The following ZNF595 variants were observed in gnomAD, a reference collection of about 807,000 sequenced individuals.
ZNF595 encodes the protein zinc finger protein 595.
Under a neutral mutation model 19.4 loss-of-function variants are expected in ZNF595, and 9 were observed. The observed-to-expected ratio is 0.46, with a 90% CI of 0.28 to 0.81. ZNF595 has a LOEUF of 0.81. Ranked by LOEUF, ZNF595 falls within the 30% of genes least tolerant of loss-of-function variation. The pLI is 0.11. For missense variants in ZNF595, 729 were observed against 736.0 expected (o/e 0.99, Z 0.11); for synonymous variants, 255 against 255.9 (o/e 1.00, Z 0.03).
intron 3 of ZNF595, among the ~76,000 whole-genome samples, chr4:64,213 G>GT (rs1402529611): frequency 2.6e-4 from 37 of 144,780 alleles, no homozygotes; most frequent in African/African-American, 9.3e-4. Flanking sequence ...TACTTGTGGG[G>GT]TTTTTTTGTT....
intron 3 of ZNF595, among the ~76,000 whole-genome samples, chr4:76,735 T>C (rs1713678064): frequency 1.3e-5 from 2 of 152,206 alleles, no homozygotes; most frequent in Non-Finnish European, 2.9e-5. Context: ...TCAAATTTTT[T>C]TCATTTTCTC....
In ZNF595 at chr4:86,013, A is replaced by T; in HGVS notation, c.509A>T (p.Glu170Val). Residue 170 changes from glutamate (E) to valine (V), a missense_variant, in exon 4 of 4, where the codon GAG becomes GTG. Physicochemically the swap from Glu to Val is moderately radical, Grantham distance 121 (BLOSUM62 -2). Transcript: ENST00000610261. ...AAACATAAGATAAGACATACTGGAG[A>T]GAAACCCTTTAAATGTACAGAATGT... ...SNKHKIRHTG[E>V]KPFKCTECGR... 6.2e-7 allele frequency: 1 copy of T among 1,608,800 alleles called. No individual in the cohort carries two copies. The highest frequency in any genetic ancestry group is 8.5e-7 in the Non-Finnish European group (1 of 1,176,890).
chr4:82,382 T>G (rs1346032187), intron 3 of ZNF595, among the ~76,000 whole-genome samples: 20 of 114,664 alleles, frequency 1.7e-4, no homozygotes, highest in Non-Finnish European at 3.1e-4. Flanking sequence ...GTTTTTTTTT[T>G]TTTTTTTTTT....
At chr4:78,227 C>G (rs538869927) in intron 3 of ZNF595, among the ~76,000 whole-genome samples, 34 of 152,262 alleles carry the variant, frequency 2.2e-4, no homozygotes, top group Admixed American at 7.8e-4. Flanking sequence ...CCAGGATGGT[C>G]TCGATCTCCT....
At chr4:83,946 G>T (rs1553800568) in intron 3 of ZNF595, among the ~76,000 whole-genome samples, 1 of 150,718 alleles carries the variant, frequency 6.6e-6, no homozygotes, top group African/African-American at 2.4e-5. Context: ...TTTCTTTTCT[G>T]TCTTCCTTTT....
At chr4:83,313 T>C (rs1553800406) in intron 3 of ZNF595, among the ~76,000 whole-genome samples, 2 of 151,998 alleles carry the variant, frequency 1.3e-5, no homozygotes, top group African/African-American at 4.8e-5. Flanking sequence ...AGATCTCAAG[T>C]GACTCTTGTG....
At chr4:69,675 A>T (rs6599368) in intron 3 of ZNF595, among the ~76,000 whole-genome samples, 14,845 of 151,732 alleles carry the variant, frequency 0.098, 788 homozygotes, top group South Asian at 0.17. Flanking sequence ...TGTTTTCTCT[A>T]ATTTTGTGTG....
Position 86,956 on chromosome 4 carries a change from A to G in ZNF595, c.1452A>G (p.Glu484=), listed in dbSNP as rs990007107. ...GCGAGAAACCCTACAAATGTGAAGA[A>G]TGTGGCAAAGCTTTCATATGGTCCG... ...HTGEKPYKCE[E]CGKAFIWSAS... The change falls in exon 4 of 4, where the codon GAA becomes GAG. Residue 484 remains glutamate, a synonymous_variant. Transcript: ENST00000610261. 32 of 1,613,814 alleles carry G rather than the reference A, an allele frequency of 2.0e-5. No homozygotes were observed. The East Asian group carries it at 6.7e-4, about 34-fold the overall frequency.
At chr4:64,703 T>G (rs1581328554) in intron 3 of ZNF595, among the ~76,000 whole-genome samples, 1 of 152,290 alleles carries the variant, frequency 6.6e-6, no homozygotes, top group Non-Finnish European at 1.5e-5. Flanking sequence ...TTGAGTGATA[T>G]GGGGTCTGCC....
intron 3 of ZNF595, among the ~76,000 whole-genome samples, chr4:72,226 A>C (rs1331398747): frequency 6.6e-6 from 1 of 152,174 alleles, no homozygotes; most frequent in Non-Finnish European, 1.5e-5. Flanking sequence ...AAATCTAGTG[A>C]TGTATTTCAT....
At chr4:76,844 G>A (rs530297893) in intron 3 of ZNF595, among the ~76,000 whole-genome samples, 13 of 152,182 alleles carry the variant, frequency 8.5e-5, no homozygotes, top group Admixed American at 8.5e-4. Flanking sequence ...TCCCTTGTAT[G>A]AGAAAAATTT....
Position 82,371 on chromosome 4 carries a change from G to GTTT in ZNF595, c.227-3360_227-3359insTTT, listed in dbSNP as rs1560092266. On this transcript the variant is annotated intron_variant, in intron 3 of 3. Transcript: ENST00000610261. ...ACAAAAGTCCATTTTTTTGGTTTGT[G>GTTT]GTTTTTTTTTTTTTTTTTTTTTTTT... Among the ~76,000 whole-genome samples the GTTT allele has an allele frequency of 2.5e-3, 243 of 97,676 alleles. 29 individuals are homozygous for GTTT. The highest frequency in any genetic ancestry group is 7.9e-3 in the African/African-American group (215 of 27,366). The allele number at this position is 97,676 out of a possible 152,430, so 64.1% of individuals were successfully genotyped here. A position where few individuals can be genotyped will look rare whatever the true frequency, so the allele number is the denominator to read the frequency against.
chr4:75,373 G>A (rs1713613133), intron 3 of ZNF595, among the ~76,000 whole-genome samples: 1 of 152,182 alleles, frequency 6.6e-6, no homozygotes, highest in Non-Finnish European at 1.5e-5. Context: ...GAAGGCTTGA[G>A]GATGACAGAA....
In ZNF595 at chr4:86,172, C is replaced by T. The variant is rs1714154799; in HGVS notation, c.668C>T (p.Thr223Ile). The T allele has an allele frequency of 1.9e-6, 3 of 1,613,836 alleles. No individual in the cohort carries two copies. The highest frequency in any genetic ancestry group is 1.1e-5 in the South Asian group (1 of 91,072). Residue 223 changes from threonine (T) to isoleucine (I), a missense_variant, in exon 4 of 4, where the codon ACT becomes ATT. Coordinates refer to ENST00000610261, the MANE Select transcript of ZNF595 (RefSeq NM_182524.4). ...TSLSKHKRIH[T>I]GEKPYTCEEC... ...CTTAGTAAACATAAGAGAATTCATACTGGAGAGAAACCCTACACATGTGAA... is the reference window on the plus strand; with the variant it reads ...CTTAGTAAACATAAGAGAATTCATATTGGAGAGAAACCCTACACATGTGAA...
At position 86,889 on chromosome 4, in the gene ZNF595, C is replaced by G; in HGVS notation, c.1385C>G (p.Thr462Arg). The G allele has an allele frequency of 1.9e-6, 3 of 1,610,498 alleles. No individual in the cohort carries two copies. Among genetic ancestry groups the G allele is most frequent in the Non-Finnish European group, 2.5e-6 (3 of 1,178,176 alleles). Residue 462 changes from threonine (T) to arginine (R), a missense_variant, in exon 4 of 4, where the codon ACA becomes AGA. By Grantham distance (71) the Thr-to-Arg change is moderately conservative. Around this residue, in one of 2 missense-constraint regions of ZNF595, gnomAD observed 729 missense variants for 675.3 expected, o/e 1.08. Coordinates refer to ENST00000610261, the MANE Select transcript of ZNF595 (RefSeq NM_182524.4). ...TGTGAAGAATGTGGCAAAGCCTTTA[C>G]ACGGTCCACAACACTGAACGAACAT... ...YKCEECGKAF[T>R]RSTTLNEHKK...
Position 87,521 on chromosome 4 carries a change from T to A in ZNF595, c.*70T>A. 1.5e-6 allele frequency: 2 copies of A among 1,314,084 alleles called. No homozygotes were observed. Among genetic ancestry groups the A allele is most frequent in the Non-Finnish European group, 2.0e-6 (2 of 999,246 alleles). 81.4% of individuals were successfully genotyped at this position (1,314,084 alleles called of 1,614,324 possible). Reference sequence around the variant, plus strand: ...AATAAATTGGAGAATATTGCTCCCATATAAACTTGTATTATTTTTCTTATT... The same window carrying A: ...AATAAATTGGAGAATATTGCTCCCAAATAAACTTGTATTATTTTTCTTATT... On this transcript the variant is annotated 3_prime_UTR_variant, in exon 4 of 4. Coordinates refer to ENST00000610261, the MANE Select transcript of ZNF595 (RefSeq NM_182524.4).
chr4:71,657 CCCTGATGCTAAAGCACT>C (rs1713437325), intron 3 of ZNF595, among the ~76,000 whole-genome samples: 2 of 152,146 alleles, frequency 1.3e-5, no homozygotes, highest in Non-Finnish European at 1.5e-5. Context: ...CAGCTGAGTG[CCCTGATGCTAAAGCACT>C]CTTCTTGTTT....
chr4:77,369 A>G (rs369873620), intron 3 of ZNF595, among the ~76,000 whole-genome samples: 1 of 151,858 alleles, frequency 6.6e-6, no homozygotes. Flanking sequence ...ATTCCTTAAG[A>G]TAATTATTTT....
At chr4:82,372 G>GC (rs1713947784) in intron 3 of ZNF595, among the ~76,000 whole-genome samples, 1 of 85,922 alleles carries the variant, frequency 1.2e-5, no homozygotes, top group Non-Finnish European at 2.3e-5. Flanking sequence ...TTGGTTTGTG[G>GC]TTTTTTTTTT....
Sources: allele counts gnomAD v4.1 joint callset (sites outside exome capture counted in the v4.1 genomes callset), GRCh38; gene constraint gnomAD v4.1.1; regional missense constraint gnomAD v4.1.1; transcripts MANE v1.5; gene names NCBI Gene and HGNC (gene_info 2026-07-23, HGNC 2026-07-21).